Variants in LRIF1 observed in about 807,000 individuals in gnomAD.
The protein encoded by LRIF1 is ligand-dependent nuclear receptor-interacting factor 1.
A neutral mutation model predicts 52.7 loss-of-function variants in LRIF1; 32 were observed. The observed-to-expected ratio is 0.61, with a 90% CI of 0.46 to 0.82. The LOEUF (loss-of-function observed/expected upper bound fraction) is 0.82, where lower values mean the gene tolerates loss of function less well. LRIF1 is among the 40% of genes least tolerant of loss of function. The pLI is 0.00. For missense variants in LRIF1, 887 were observed against 892.0 expected, an observed-to-expected ratio of 0.99 and a Z score of 0.07; for synonymous variants, 323 against 317.4, an observed-to-expected ratio of 1.02 and a Z score of -0.19.
At chr1:110,931,805 A>G in the LRIF1 span, among the ~76,000 whole-genome samples, 1 of 152,114 alleles carries the variant, frequency 6.6e-6, no homozygotes, top group Non-Finnish European at 1.5e-5. Flanking sequence ...GTCTGTTCAT[A>G]TCCTTTGCCC....
chr1:110,960,066 C>A (rs1360521769), intron 1 of LRIF1, among the ~76,000 whole-genome samples: 1 of 151,914 alleles, frequency 6.6e-6, no homozygotes, highest in Non-Finnish European at 1.5e-5. Context: ...GATAGATATA[C>A]CAGTTGTTAC....
the LRIF1 span, chr1:110,895,185 C>T: frequency 1.5e-6 from 1 of 679,812 alleles, no homozygotes; most frequent in Non-Finnish European, 2.7e-6. Flanking sequence ...AGAATAATGC[C>T]TTGGCTATCA....
At chr1:110,901,797 A>G in the LRIF1 span, among the ~76,000 whole-genome samples, 1 of 152,198 alleles carries the variant, frequency 6.6e-6, no homozygotes, top group Non-Finnish European at 1.5e-5. Flanking sequence ...TGAGTATCAC[A>G]AGTTTCAAAA....
the LRIF1 span, among the ~76,000 whole-genome samples, chr1:110,922,531 T>TA: frequency 7.3e-5 from 11 of 151,662 alleles, no homozygotes; most frequent in South Asian, 2.1e-4. Context: ...TAAGTAGATG[T>TA]AAAAAAAAAT....
intron 1 of LRIF1, among the ~76,000 whole-genome samples, chr1:110,959,152 A>T (rs2101121526): frequency 1.3e-5 from 2 of 152,296 alleles, no homozygotes; most frequent in Middle Eastern, 6.8e-3. Flanking sequence ...AATTACTTTA[A>T]ACCAGCTGGT....
chr1:110,893,289 C>T, the LRIF1 span, among the ~76,000 whole-genome samples: 1 of 152,090 alleles, frequency 6.6e-6, no homozygotes, highest in African/African-American at 2.4e-5. Context: ...TATGGTTCAA[C>T]ATTTTGGTGG....
intron 1 of LRIF1, among the ~76,000 whole-genome samples, chr1:110,956,778 C>T (rs1487351070): frequency 1.3e-5 from 2 of 152,120 alleles, no homozygotes; most frequent in Non-Finnish European, 2.9e-5. Flanking sequence ...GTGAACTAAG[C>T]GCCAAGTTCA....
chr1:110,917,545 A>C, the LRIF1 span, among the ~76,000 whole-genome samples: 1 of 152,180 alleles, frequency 6.6e-6, no homozygotes, highest in Non-Finnish European at 1.5e-5. Flanking sequence ...ATATTTACTC[A>C]AAGTTTATGA....
the LRIF1 span, among the ~76,000 whole-genome samples, chr1:110,883,963 C>T: frequency 1.3e-5 from 2 of 151,898 alleles, no homozygotes; most frequent in Non-Finnish European, 2.9e-5. Flanking sequence ...TATCAGTCTT[C>T]TAAAAGAGCC....
chr1:110,909,564 C>T, the LRIF1 span, among the ~76,000 whole-genome samples: 1 of 139,870 alleles, frequency 7.1e-6, no homozygotes, highest in Non-Finnish European at 1.6e-5. Context: ...CAAAAAAGGG[C>T]AGGGGTAGCT....
chr1:110,924,345 T>A, the LRIF1 span, among the ~76,000 whole-genome samples: 1 of 152,162 alleles, frequency 6.6e-6, no homozygotes, highest in African/African-American at 2.4e-5. Context: ...AAGAGAATAC[T>A]CCCCAGGCTT....
chr1:110,938,937 G>A, the LRIF1 span: 1 of 145,704 alleles, frequency 6.9e-6, no homozygotes, highest in Non-Finnish European at 1.5e-5. Flanking sequence ...TATGAAAAAA[G>A]TAATCCCATT....
the LRIF1 span, chr1:110,894,334 T>C: frequency 6.2e-7 from 1 of 1,614,066 alleles, no homozygotes; most frequent in Non-Finnish European, 8.5e-7. Flanking sequence ...CAGTTCTTCA[T>C]CCTGCTGCTG....
chr1:110,920,174 C>T, the LRIF1 span, among the ~76,000 whole-genome samples: 1 of 152,204 alleles, frequency 6.6e-6, no homozygotes, highest in South Asian at 2.1e-4. Context: ...CATGATCCAG[C>T]AATCATGCTC....
chr1:110,893,781 T>G, the LRIF1 span, among the ~76,000 whole-genome samples: 2 of 152,130 alleles, frequency 1.3e-5, no homozygotes, highest in Non-Finnish European at 2.9e-5. Flanking sequence ...GTAAAAAAGG[T>G]GAAGGAGAAG....
At chr1:110,955,749 G>A (rs1280265739) in intron 1 of LRIF1, among the ~76,000 whole-genome samples, 1 of 152,158 alleles carries the variant, frequency 6.6e-6, no homozygotes. Context: ...GAGAACGACT[G>A]GCAGGAAGCT....
At position 110,950,067 on chromosome 1, in the gene LRIF1, C is replaced by T. The variant is rs767895427; in HGVS notation, c.1653G>A (p.Lys551=). ...TATTACTTCTTCCTTGAGAATCTTT[C>T]TTGTCATTTCTTCCTTGGGCACCTT... ...SDKGAQGRND[K]KDSQGRSNKA... The change falls in exon 3 of 4, where the codon AAG becomes AAA. Residue 551 remains lysine, a synonymous_variant. Transcript: ENST00000369763. The T allele has an allele frequency of 6.2e-7, 1 of 1,613,924 alleles. No individual in the cohort carries two copies. The highest frequency in any genetic ancestry group is 1.1e-5 in the South Asian group (1 of 91,074).
intron 1 of LRIF1, chr1:110,963,227 G>A (rs1659037284): frequency 6.4e-6 from 1 of 156,860 alleles, no homozygotes; most frequent in South Asian, 2.0e-4. Flanking sequence ...TTTCACTGAA[G>A]GTCCAGCGCC....
At chr1:110,906,178 G>T in the LRIF1 span, among the ~76,000 whole-genome samples, 2 of 152,076 alleles carry the variant, frequency 1.3e-5, no homozygotes, top group African/African-American at 2.4e-5. Context: ...ATTAATAAGA[G>T]ATTTTGGCAA....
Sources: gnomAD v4.1 joint callset for allele counts (sites outside exome capture counted in the v4.1 genomes callset) on GRCh38, gnomAD v4.1.1 for gene constraint, MANE v1.5 for transcripts, NCBI Gene and HGNC (gene_info 2026-07-23, HGNC 2026-07-21) for gene names.